The following GK5 variants were observed in gnomAD, a reference collection of about 807,000 sequenced individuals.
The protein encoded by GK5 is ATP:glycerol 3-phosphotransferase 5.
A neutral mutation model predicts 77.3 loss-of-function variants in GK5; 39 were observed. The ratio of observed to expected loss-of-function variants is 0.50; its 90% CI spans 0.39 to 0.66. The LOEUF (loss-of-function observed/expected upper bound fraction) is 0.66, where lower values mean the gene tolerates loss of function less well. Among genes scored for constraint, GK5 ranks in the 30% least tolerant of loss-of-function variants. The pLI, the probability that GK5 is intolerant of heterozygous loss-of-function variation, is 0.00. For missense variants in GK5, 487 were observed against 633.8 expected (o/e 0.77, Z 2.49); for synonymous variants, 211 against 208.0 (o/e 1.01, Z -0.13).
chr3:142,210,814 C>T (rs1003611729), intron 3 of GK5, among the ~76,000 whole-genome samples: 7 of 152,264 alleles, frequency 4.6e-5, no homozygotes, highest in South Asian at 2.1e-4. Context: ...CCTAATATTC[C>T]GACCTTACTG....
At chr3:142,185,821 C>A in intron 9 of GK5, 108 bp downstream of exon 9, 1 of 1,549,194 alleles carries the variant, frequency 6.5e-7, no homozygotes, top group Non-Finnish European at 8.7e-7. Flanking sequence ...ATACTTTAAT[C>A]TTACTCTGCC....
intron 9 of GK5, chr3:142,185,175 G>C: frequency 2.2e-6 from 2 of 905,190 alleles, no homozygotes; most frequent in Non-Finnish European, 2.6e-6. Flanking sequence ...CACTTTGGGA[G>C]GCAAAGGTGG....
rs368414329 is a variant in GK5, at chr3:142,201,511, G to C, written c.412-2578C>G. Among the ~76,000 whole-genome samples, 16 of 152,268 alleles carry C rather than the reference G, an allele frequency of 1.1e-4. 1 individual carries two copies. The highest frequency in any genetic ancestry group is 3.9e-4 in the African/African-American group (16 of 41,558). On this transcript the variant is annotated intron_variant, in intron 4 of 15. Transcript: ENST00000392993. ...AGGGTAGGGAGGTGTATAGGAGAGTGGTAGATATAGTTACAGAAGAACAAC... is the reference window on the plus strand; with the variant it reads ...AGGGTAGGGAGGTGTATAGGAGAGTCGTAGATATAGTTACAGAAGAACAAC...
rs938888095 is a variant in GK5 at position 142,186,878 on chromosome 3, G to A, written c.620-365C>T. ...ACTCCCAACCTCAAGTGATCCGCCC[G>A]CCTCAGCCTCCCAAAGTACTGGGAT... On this transcript the variant is annotated intron_variant, in intron 6 of 15. Transcript: ENST00000392993. Among the ~76,000 whole-genome samples, 8 of 152,090 alleles carry A rather than the reference G, an allele frequency of 5.3e-5. No homozygotes were observed. The South Asian group carries it at 1.0e-3, about 20-fold the overall frequency.
chr3:142,182,852 A>C, intron 10 of GK5, 71 bp downstream of exon 10: 2 of 1,021,220 alleles, frequency 2.0e-6, no homozygotes, highest in Non-Finnish European at 3.0e-6. Context: ...AAATAGTATA[A>C]GTATCACAGA....
intron 5 of GK5, among the ~76,000 whole-genome samples, chr3:142,198,032 A>C (rs1378316898): frequency 6.6e-6 from 1 of 152,112 alleles, no homozygotes. Flanking sequence ...AAAAAAAAAA[A>C]AAAAGGTGAA....
intron 5 of GK5, among the ~76,000 whole-genome samples, chr3:142,196,181 T>G (rs1441617210): frequency 6.6e-6 from 1 of 152,136 alleles, no homozygotes; most frequent in Non-Finnish European, 1.5e-5. Flanking sequence ...TATCCATAAT[T>G]TCATAATAAT....
intron 3 of GK5, among the ~76,000 whole-genome samples, chr3:142,209,148 C>CAAA (rs200845861): frequency 7.6e-6 from 1 of 132,116 alleles, no homozygotes; most frequent in African/African-American, 2.7e-5. Context: ...GACTCCGCCT[C>CAAA]AAAAAAAAAA....
At chr3:142,172,175 A>G (rs775774547) in intron 13 of GK5, among the ~76,000 whole-genome samples, 178 bp downstream of exon 13, 2 of 152,162 alleles carry the variant, frequency 1.3e-5, no homozygotes, top group Non-Finnish European at 2.9e-5. Context: ...ATAAGAAAAA[A>G]TAAGAAAGAT....
intron 7 of GK5, 75 bp downstream of exon 7, chr3:142,186,372 ATAAAC>A (rs1005182792): frequency 1.4e-5 from 14 of 1,026,598 alleles, no homozygotes; most frequent in Admixed American, 7.7e-5. Flanking sequence ...TCAATTAAAA[ATAAAC>A]TAATTTTAAA....
At chr3:142,176,983 G>A (rs988148187) in intron 12 of GK5, among the ~76,000 whole-genome samples, 4 of 152,106 alleles carry the variant, frequency 2.6e-5, no homozygotes, top group Admixed American at 2.6e-4. Context: ...TTTAAAAAAA[G>A]TTTAAAACTT....
At position 142,225,425 on chromosome 3, in the gene GK5, T is replaced by C. The variant is rs1400566144; in HGVS notation, c.31A>G (p.Arg11Gly). The change falls in exon 1 of 16, where the codon AGA becomes GGA. Residue 11 changes from arginine (R) to glycine (G), a missense_variant. By Grantham distance (125) the Arg-to-Gly change is moderately radical (BLOSUM62 -2). Transcript: ENST00000392993. MSGLLTDPEQ[R>G]AQEPRYPGFV... ...CCGGGGTACCGCGGCTCCTGCGCTC[T>C]CTGCTCCGGGTCCGTGAGCAGCCCC... is the stretch of plus-strand genomic sequence containing the variant. 6.2e-7 allele frequency: 1 copy of C among 1,602,170 alleles called. No individual in the cohort carries two copies. The highest frequency in any genetic ancestry group is 2.3e-5 in the East Asian group (1 of 44,418).
intron 2 of GK5, among the ~76,000 whole-genome samples, chr3:142,214,573 C>T (rs929932528): frequency 1.3e-5 from 2 of 152,100 alleles, no homozygotes; most frequent in East Asian, 3.9e-4. Context: ...CAGAAAACCT[C>T]AAAATGAGGG....
At chr3:142,183,204 G>A in intron 9 of GK5, 155 bp from the exon 10 acceptor site, 2 of 624,376 alleles carry the variant, frequency 3.2e-6, no homozygotes, top group Non-Finnish European at 5.4e-6. Context: ...AGAGAATAGG[G>A]AGCAACAACC....
intron 1 of GK5, among the ~76,000 whole-genome samples, chr3:142,222,322 T>C (rs2064361061): frequency 1.3e-5 from 2 of 152,150 alleles, no homozygotes; most frequent in South Asian, 2.1e-4. Flanking sequence ...TCCCAGCACT[T>C]TGGGAGGCCG....
At chr3:142,166,276 GAGAA>G (rs921158049) in intron 15 of GK5, among the ~76,000 whole-genome samples, 17 of 152,074 alleles carry the variant, frequency 1.1e-4, no homozygotes, top group African/African-American at 4.1e-4. Flanking sequence ...GAAAAAAAAA[GAGAA>G]AGAAATAGGA....
Position 142,160,404 on chromosome 3 carries a change from TAAAGTC to T in GK5, c.*5212_*5217del, listed in dbSNP as rs2063417173. ...TCTCTGGGATGACTCTAGAATAACT[TAAAGTC>T]AAAGAACTCCAGGGTATATCTACAT... On this transcript the variant is annotated 3_prime_UTR_variant, in exon 16 of 16. Transcript: ENST00000392993. 2.0e-5 allele frequency: 3 copies of T among 152,210 alleles called. No individual in the cohort carries two copies. The highest frequency in any genetic ancestry group is 2.0e-4 in the Admixed American group (3 of 15,264). The allele number at this position is 152,210 out of a possible 1,614,324, so 9.4% of individuals were successfully genotyped here. A position where few individuals can be genotyped will look rare whatever the true frequency, so the allele number is the denominator to read the frequency against.
At chr3:142,173,920 C>T (rs879443648) in intron 12 of GK5, among the ~76,000 whole-genome samples, 1 of 152,126 alleles carries the variant, frequency 6.6e-6, no homozygotes, top group Non-Finnish European at 1.5e-5. Context: ...ACACCTTCTA[C>T]CACCCTTTCT....
rs765057982 is a variant in GK5 at position 142,204,785 on chromosome 3, T to C, written c.321A>G (p.Lys107=). 6.6e-7 allele frequency: 1 copy of C among 1,525,898 alleles called. No homozygotes were observed. Among genetic ancestry groups the C allele is most frequent in the Non-Finnish European group, 9.0e-7 (1 of 1,113,110 alleles). 94.5% of individuals were successfully genotyped at this position (1,525,898 alleles called of 1,614,324 possible). Reference sequence around the variant, plus strand: ...TAAAGTTGTGAAAATGATTTCCTGTTTTCCTAGAAAGAATAAAACAGTATT... The same window carrying C: ...TAAAGTTGTGAAAATGATTTCCTGTCTTCCTAGAAAGAATAAAACAGTATT... ...QRATFITWNK[K]TGNHFHNFIS... is the part of the protein sequence containing the mutation. The change falls in exon 4 of 16, where the codon AAA becomes AAG. Residue 107 remains lysine (K), a synonymous_variant. Coordinates refer to ENST00000392993, the MANE Select transcript of GK5 (RefSeq NM_001039547.3).
Sources: allele counts gnomAD v4.1 joint callset (sites outside exome capture counted in the v4.1 genomes callset), GRCh38; gene constraint gnomAD v4.1.1; transcripts MANE v1.5; gene names NCBI Gene and HGNC (gene_info 2026-07-23, HGNC 2026-07-21).